The following MTUS2 variants were observed in gnomAD, a reference collection of about 807,000 sequenced individuals.
MTUS2 encodes the protein microtubule-associated tumor suppressor candidate 2.
In MTUS2, 40 loss-of-function variants were observed where a neutral mutation model predicts 114.1. The ratio of observed to expected loss-of-function variants is 0.35; its 90% CI spans 0.27 to 0.46. The LOEUF is 0.46. Among genes scored for constraint, MTUS2 ranks in the 20% least tolerant of loss-of-function variants. The probability of loss-of-function intolerance (pLI) is 1.00; values close to 1 mark genes in which losing one functional copy is unlikely to be tolerated. For synonymous variants in MTUS2, 688 were observed against 672.0 expected (o/e 1.02, Z -0.37); for missense variants, 1,679 against 1,705.4 (o/e 0.98, Z 0.27).
intron 4 of MTUS2, among the ~76,000 whole-genome samples, chr13:29,074,234 C>G (rs1465500218): frequency 6.6e-6 from 1 of 152,170 alleles, no homozygotes; most frequent in Non-Finnish European, 1.5e-5. Flanking sequence ...CTAAAATGCC[C>G]TATTTCTTCT....
intron 4 of MTUS2, among the ~76,000 whole-genome samples, chr13:29,069,439 A>G (rs533158993): frequency 2.6e-5 from 4 of 152,342 alleles, no homozygotes; most frequent in Admixed American, 2.0e-4. Flanking sequence ...CAGATTGTCA[A>G]CAAATTGGAT....
chr13:28,954,216 A>T (rs1348578963), intron 2 of MTUS2, among the ~76,000 whole-genome samples: 1 of 152,192 alleles, frequency 6.6e-6, no homozygotes, highest in African/African-American at 2.4e-5. Context: ...CCACAGAAAA[A>T]TGCAGAATCT....
At position 29,025,953 on chromosome 13, in the gene MTUS2, G is replaced by C; in HGVS notation, c.1255G>C (p.Gly419Arg). Residue 419 changes from glycine (G) to arginine (R), a missense_variant, in exon 3 of 16, where the codon GGT (glycine) becomes CGT (arginine). This residue lies in a region of MTUS2 where 843 missense variants were observed against 770.8 expected (regional missense o/e 1.09). Coordinates refer to ENST00000612955, the MANE Select transcript of MTUS2 (RefSeq NM_001033602.4). Reference protein sequence around the residue: ...QPTGKISPCAGEKLGERTSSS... With the variant: ...QPTGKISPCAREKLGERTSSS... ...CACTGGCAAAATTTCACCATGTGCA[G>C]GTGAGAAGTTGGGTGAAAGGACATC... The C allele has an allele frequency of 6.2e-7, 1 of 1,614,022 alleles. No homozygotes were observed. Among genetic ancestry groups the C allele is most frequent in the South Asian group, 1.1e-5 (1 of 91,084 alleles).
At chr13:29,324,529 A>C (rs549174835) in intron 6 of MTUS2, 84 bp from the exon 7 acceptor site, 1 of 1,004,448 alleles carries the variant, frequency 1.0e-6, no homozygotes, top group South Asian at 1.5e-5. Context: ...ACTTTCTTGA[A>C]GCCACCCTTT....
At chr13:29,124,710 C>G (rs1370124746) in intron 5 of MTUS2, among the ~76,000 whole-genome samples, 1 of 152,090 alleles carries the variant, frequency 6.6e-6, no homozygotes, top group Admixed American at 6.6e-5. Context: ...AATGGATAAA[C>G]AAAATGTCAT....
At chr13:28,988,816 A>G (rs1368311803) in intron 2 of MTUS2, among the ~76,000 whole-genome samples, 3 of 152,202 alleles carry the variant, frequency 2.0e-5, no homozygotes, top group Non-Finnish European at 4.4e-5. Context: ...ACTAAAAACT[A>G]GAGAAGGCTT....
At chr13:29,165,980 G>A (rs1156542719) in intron 5 of MTUS2, among the ~76,000 whole-genome samples, 1 of 152,188 alleles carries the variant, frequency 6.6e-6, no homozygotes, top group Admixed American at 6.5e-5. Context: ...GATGGCTGGA[G>A]GAAGGTGAGT....
chr13:28,902,216 G>C (rs1176077566), intron 2 of MTUS2, among the ~76,000 whole-genome samples: 1 of 152,104 alleles, frequency 6.6e-6, no homozygotes, highest in Non-Finnish European at 1.5e-5. Flanking sequence ...ATTTCCAGGA[G>C]ATTTTAAAAA....
At chr13:29,186,273 A>G (rs1007869050) in intron 5 of MTUS2, among the ~76,000 whole-genome samples, 5 of 152,258 alleles carry the variant, frequency 3.3e-5, no homozygotes, top group African/African-American at 7.2e-5. Context: ...ATAAATAATC[A>G]TATCAATAAT....
At chr13:29,429,824 A>G (rs909308086) in intron 8 of MTUS2, among the ~76,000 whole-genome samples, 13 of 152,198 alleles carry the variant, frequency 8.5e-5, no homozygotes, top group African/African-American at 2.9e-4. Flanking sequence ...AGGAAAATAT[A>G]TGGCTTAATA....
chr13:29,000,695 A>T (rs1003681354), intron 2 of MTUS2, among the ~76,000 whole-genome samples: 1 of 152,202 alleles, frequency 6.6e-6, no homozygotes, highest in Non-Finnish European at 1.5e-5. Context: ...CGCTTTAAAT[A>T]TATCAGGTCC....
chr13:29,026,560 A>G lies in MTUS2; in HGVS notation c.1862A>G (p.Glu621Gly), dbSNP rs761004413. 2.5e-6 allele frequency: 4 copies of G among 1,613,842 alleles called. No homozygotes were observed. The South Asian group carries it at 4.4e-5, about 18-fold the overall frequency. The change falls in exon 3 of 16, where the codon GAA becomes GGA. Residue 621 changes from glutamate (E) to glycine (G), a missense_variant. Around this residue, in one of 3 missense-constraint regions of MTUS2, gnomAD observed 843 missense variants for 770.8 expected, o/e 1.09. Transcript: ENST00000612955. ...SQEGMENYQVEKTEERTETKP... is the reference protein window; with the variant it reads ...SQEGMENYQVGKTEERTETKP... The stretch of plus-strand genomic sequence containing the variant: ...GAGGGAATGGAGAACTATCAGGTTG[A>G]AAAAACAGAGGAGAGGACAGAAACT...
intron 2 of MTUS2, among the ~76,000 whole-genome samples, chr13:28,898,889 T>C (rs1029446425): frequency 1.3e-5 from 2 of 152,226 alleles, no homozygotes. Flanking sequence ...CTGTGCATAG[T>C]GTTTGCCTGC....
intron 1 of MTUS2, among the ~76,000 whole-genome samples, chr13:28,828,656 G>T (rs897740532): frequency 6.6e-6 from 1 of 152,036 alleles, no homozygotes; most frequent in Non-Finnish European, 1.5e-5. Flanking sequence ...AACACTCCAG[G>T]GTCAGCAGTA....
At chr13:28,938,961 T>C (rs1016843344) in intron 2 of MTUS2, among the ~76,000 whole-genome samples, 4 of 152,212 alleles carry the variant, frequency 2.6e-5, no homozygotes, top group African/African-American at 9.6e-5. Flanking sequence ...GACTGTGCAA[T>C]CAGATTTCTA....
chr13:28,837,001 A>G (rs748415338), intron 1 of MTUS2, among the ~76,000 whole-genome samples: 2 of 152,170 alleles, frequency 1.3e-5, no homozygotes, highest in Non-Finnish European at 2.9e-5. Flanking sequence ...ACATTGGGTG[A>G]TTGAAATCTA....
chr13:29,238,592 C>G (rs1268235104), intron 5 of MTUS2, among the ~76,000 whole-genome samples: 1 of 152,210 alleles, frequency 6.6e-6, no homozygotes, highest in Non-Finnish European at 1.5e-5. Flanking sequence ...GAAGACTGAG[C>G]AAGTCTGCTA....
chr13:29,200,322 G>T (rs542662467), intron 5 of MTUS2, among the ~76,000 whole-genome samples: 9 of 151,912 alleles, frequency 5.9e-5, no homozygotes, highest in Non-Finnish European at 1.3e-4. Context: ...TCCTCTGTGG[G>T]CATTTAGTGC....
chr13:29,268,382 A>G (rs1897747244), intron 5 of MTUS2, among the ~76,000 whole-genome samples: 1 of 152,196 alleles, frequency 6.6e-6, no homozygotes, highest in Admixed American at 6.5e-5. Flanking sequence ...ACTGAGGGTC[A>G]AGCCGTGTCC....
Sources: allele counts gnomAD v4.1 joint callset (sites outside exome capture counted in the v4.1 genomes callset), GRCh38; gene constraint gnomAD v4.1.1; regional missense constraint gnomAD v4.1.1; transcripts MANE v1.5; gene names NCBI Gene and HGNC (gene_info 2026-07-23, HGNC 2026-07-21).